NCOA6: variants seen among roughly 807,000 people sequenced by gnomAD.
The protein encoded by NCOA6 is NRC RAP250.
NCOA6 carries 49 observed loss-of-function variants against 171.4 expected under a neutral mutation model. The ratio of observed to expected loss-of-function variants is 0.29; its 90% CI spans 0.23 to 0.36. NCOA6 has a LOEUF of 0.36. NCOA6 is among the 10% of genes least tolerant of loss of function. The probability of loss-of-function intolerance (pLI) is 1.00; values close to 1 mark genes in which losing one functional copy is unlikely to be tolerated. For synonymous variants in NCOA6, 910 were observed against 927.5 expected, an observed-to-expected ratio of 0.98 and a Z score of 0.34; for missense variants, 2,248 against 2,554.5, an observed-to-expected ratio of 0.88 and a Z score of 2.59.
chr20:34,731,755 T>C (rs780451210), intron 13 of NCOA6, among the ~76,000 whole-genome samples: 7 of 152,208 alleles, frequency 4.6e-5, no homozygotes. Flanking sequence ...CAAGACTGTG[T>C]GTGGTGGCTC....
rs182418040 is a variant in NCOA6 at position 34,790,711 on chromosome 20, G to A, written c.-50+1739C>T. On this transcript the variant is annotated intron_variant, in intron 2 of 14. Transcript: ENST00000359003. ...GTCACCCAGGCAGGAGTGCAGTGGC[G>A]TGATCTTGGCTCACTGCAACCTCTG... 5.9e-4 allele frequency among the ~76,000 whole-genome samples: 89 copies of A among 152,022 alleles called. No individual in the cohort carries two copies. In the East Asian group the frequency reaches 0.013, roughly 22 times the overall value.
chr20:34,727,442 G>A (rs1228916615), intron 13 of NCOA6, 35 bp from the exon 14 acceptor site: 1 of 1,611,258 alleles, frequency 6.2e-7, no homozygotes, highest in Admixed American at 1.7e-5. Flanking sequence ...CCAAGCAGGT[G>A]AGGGAACCAG....
Position 34,742,606 on chromosome 20 carries a change from G to T in NCOA6, c.3650C>A (p.Pro1217His). ...GGGTGTCTGAGGATAATAGGGTCTG[G>T]GGCTGGCTCTGTTTGGTGTTTTGGG... is the stretch of plus-strand genomic sequence containing the variant. ...SRPKTPNRAS[P>H]RPYYPQTPNN... Residue 1217 changes from proline to histidine, a missense_variant, in exon 11 of 15, where the codon CCC becomes CAC. Pro to His is a moderately conservative substitution (Grantham distance 77). Coordinates refer to ENST00000359003, the MANE Select transcript of NCOA6 (RefSeq NM_014071.5). 1 of 1,614,166 alleles carries T rather than the reference G, an allele frequency of 6.2e-7. No homozygotes were observed. Among genetic ancestry groups the T allele is most frequent in the Non-Finnish European group, 8.5e-7 (1 of 1,180,038 alleles).
rs2076123054 is a variant in NCOA6, at chr20:34,740,991, A to C, written c.5265T>G (p.Pro1755=). The C allele has an allele frequency of 6.2e-7, 1 of 1,614,118 alleles. No individual in the cohort carries two copies. The highest frequency in any genetic ancestry group is 8.5e-7 in the Non-Finnish European group (1 of 1,180,056). Residue 1755 remains proline, a synonymous_variant, in exon 11 of 15, where the codon CCT becomes CCG. Coordinates refer to ENST00000359003, the MANE Select transcript of NCOA6 (RefSeq NM_014071.5). ...SPPCTSSPVV[P]SHPPVQQVKE... ...TCACTTGCTGCACAGGGGGATGAGA[A>C]GGGACAACTGGAGAAGACGTACAAG...
intron 8 of NCOA6, among the ~76,000 whole-genome samples, chr20:34,750,811 T>C (rs889458885): frequency 6.6e-6 from 1 of 152,172 alleles, no homozygotes; most frequent in Non-Finnish European, 1.5e-5. Context: ...TTTACTTTCT[T>C]TCAGATTAAA....
intron 14 of NCOA6, among the ~76,000 whole-genome samples, chr20:34,726,343 A>C (rs1989949710): frequency 6.6e-6 from 1 of 152,178 alleles, no homozygotes; most frequent in African/African-American, 2.4e-5. Flanking sequence ...TTCTCTGTGA[A>C]GAGGTCAGGG....
At chr20:34,792,594 A>G (rs183358092) in intron 1 of NCOA6, 31 bp from the exon 2 acceptor site, 13 of 397,940 alleles carry the variant, frequency 3.3e-5, no homozygotes, top group African/African-American at 2.3e-4. Flanking sequence ...CAACAACAAA[A>G]AGAGAGAGAG....
intron 4 of NCOA6, among the ~76,000 whole-genome samples, chr20:34,770,577 T>A (rs1169681832): frequency 6.6e-6 from 1 of 152,106 alleles, no homozygotes; most frequent in Non-Finnish European, 1.5e-5. Flanking sequence ...TCAGTTCGTA[T>A]CATTCCTTAA....
At chr20:34,736,210 C>T (rs939328991) in intron 12 of NCOA6, among the ~76,000 whole-genome samples, 8 of 152,040 alleles carry the variant, frequency 5.3e-5, no homozygotes, top group African/African-American at 1.9e-4. Flanking sequence ...CACCCAGAGA[C>T]GACTGAAATG....
At chr20:34,824,579 T>C (rs2079097430) in intron 1 of NCOA6, among the ~76,000 whole-genome samples, 1 of 152,168 alleles carries the variant, frequency 6.6e-6, no homozygotes, top group Admixed American at 6.5e-5. Context: ...GTCCCTCCTT[T>C]TAAAGACACA....
At chr20:34,795,122 A>G (rs1221489749) in intron 1 of NCOA6, among the ~76,000 whole-genome samples, 2 of 152,320 alleles carry the variant, frequency 1.3e-5, no homozygotes, top group Non-Finnish European at 2.9e-5. Context: ...GAATTTCAAA[A>G]TCACCATTTT....
chr20:34,803,242 T>C (rs1328603362), intron 1 of NCOA6, among the ~76,000 whole-genome samples: 1 of 152,120 alleles, frequency 6.6e-6, no homozygotes, highest in Non-Finnish European at 1.5e-5. Flanking sequence ...CCAAGGCGAC[T>C]GCATCACTTG....
intron 1 of NCOA6, among the ~76,000 whole-genome samples, chr20:34,813,930 A>C (rs2078751089): frequency 4.6e-5 from 7 of 152,352 alleles, no homozygotes; most frequent in African/African-American, 1.7e-4. Flanking sequence ...ATGTGGCTAA[A>C]AAGTGATAGC....
chr20:34,753,084 C>T (rs1394854759), intron 8 of NCOA6, among the ~76,000 whole-genome samples: 1 of 150,604 alleles, frequency 6.6e-6, no homozygotes, highest in East Asian at 2.0e-4. Context: ...TCTCTGTCGC[C>T]CAGGCTGGAG....
intron 1 of NCOA6, among the ~76,000 whole-genome samples, chr20:34,795,549 G>A (rs980528628): frequency 2.6e-5 from 4 of 152,166 alleles, no homozygotes; most frequent in African/African-American, 9.7e-5. Context: ...CTAGAATATG[G>A]AACTTGCTAC....
In NCOA6 at chr20:34,775,686, A is replaced by G. The variant is rs572948161; in HGVS notation, c.391+607T>C. Among the ~76,000 whole-genome samples the G allele has an allele frequency of 5.6e-4, 25 of 44,438 alleles. 2 individuals carry two copies. In the South Asian group the frequency reaches 9.5e-3, roughly 17 times the overall value. The allele number at this position is 44,438 out of a possible 152,430, so 29.2% of individuals were successfully genotyped here. Reference sequence around the variant, plus strand: ...GGACTCTGTCTCAAAAAAAAAAAAAAAAAAAAGAAAAAAAAAAGAAAAGAA... The same window carrying G: ...GGACTCTGTCTCAAAAAAAAAAAAAGAAAAAAGAAAAAAAAAAGAAAAGAA... On this transcript the variant is annotated intron_variant, in intron 4 of 14. Coordinates refer to ENST00000359003, the MANE Select transcript of NCOA6 (RefSeq NM_014071.5).
chr20:34,794,035 T>C (rs960319926), intron 1 of NCOA6, among the ~76,000 whole-genome samples: 68 of 152,238 alleles, frequency 4.5e-4, no homozygotes, highest in Non-Finnish European at 1.2e-4. Context: ...TAATTTACTG[T>C]TCCCAGCAAG....
At position 34,742,365 on chromosome 20, in the gene NCOA6, A is replaced by C. The variant is rs201033606; in HGVS notation, c.3891T>G (p.Phe1297Leu). The C allele has an allele frequency of 6.2e-7, 1 of 1,614,206 alleles. No homozygotes were observed. The highest frequency in any genetic ancestry group is 1.3e-5 in the African/African-American group (1 of 75,038). Residue 1297 changes from phenylalanine (F) to leucine (L), a missense_variant, in exon 11 of 15, where the codon TTT becomes TTG. By Grantham distance (22) the Phe-to-Leu change is conservative. This residue lies in a region of NCOA6 where 884 missense variants were observed against 941.9 expected (regional missense o/e 0.94). Transcript: ENST00000359003. ...PSNLTMNPSN[F>L]ATPQTHKLDS... is the part of the protein sequence containing the mutation. ...CTAATTTGTGAGTTTGTGGGGTAGC[A>C]AAATTGGAAGGATTCATGGTAAGAT...
intron 13 of NCOA6, among the ~76,000 whole-genome samples, chr20:34,727,673 T>TA (rs371863580): frequency 7.9e-5 from 12 of 151,452 alleles, no homozygotes; most frequent in African/African-American, 2.4e-4. Flanking sequence ...GTAAAAGACA[T>TA]AAAAAAATTG....
Sources: allele counts gnomAD v4.1 joint callset (sites outside exome capture counted in the v4.1 genomes callset), GRCh38; gene constraint gnomAD v4.1.1; regional missense constraint gnomAD v4.1.1; transcripts MANE v1.5; gene names NCBI Gene and HGNC (gene_info 2026-07-23, HGNC 2026-07-21).